The following RALYL variants were observed in gnomAD, a reference collection of about 807,000 sequenced individuals.
RALYL encodes RNA-binding Raly-like protein.
A neutral mutation model predicts 35.1 loss-of-function variants in RALYL; 29 were observed. The ratio of observed to expected loss-of-function variants is 0.83; its 90% CI spans 0.61 to 1.13. The LOEUF is 1.13. RALYL is among the 50% of genes most tolerant of loss of function. The probability of loss-of-function intolerance (pLI) is 0.00; values close to 1 mark genes in which losing one functional copy is unlikely to be tolerated. For synonymous variants in RALYL, 120 were observed against 127.6 expected (o/e 0.94, Z 0.40); for missense variants, 359 against 360.4 (o/e 1.00, Z 0.03).
intron 4 of RALYL, among the ~76,000 whole-genome samples, chr8:84,827,083 T>G (rs1180281346): frequency 6.6e-6 from 1 of 152,076 alleles, no homozygotes; most frequent in Non-Finnish European, 1.5e-5. Flanking sequence ...AAAAACCTTA[T>G]AGCAGAAATG....
At chr8:84,744,093 T>C (rs1034415046) in intron 2 of RALYL, among the ~76,000 whole-genome samples, 2 of 152,152 alleles carry the variant, frequency 1.3e-5, no homozygotes, top group African/African-American at 2.4e-5. Flanking sequence ...GTAGCAACTT[T>C]TGTGTTATGT....
At chr8:84,771,143 G>A (rs1815387237) in intron 2 of RALYL, among the ~76,000 whole-genome samples, 1 of 151,508 alleles carries the variant, frequency 6.6e-6, no homozygotes, top group Non-Finnish European at 1.5e-5. Flanking sequence ...ATTTTTCCAG[G>A]GCATTATTTT....
chr8:84,254,800 C>G (rs1285693781), intron 1 of RALYL, among the ~76,000 whole-genome samples: 8 of 147,832 alleles, frequency 5.4e-5, no homozygotes, highest in Non-Finnish European at 1.5e-5. Flanking sequence ...GCTGGGGAAG[C>G]TTCAGGAAAC....
chr8:84,525,354 T>C (rs920135392), intron 1 of RALYL, among the ~76,000 whole-genome samples: 2 of 152,204 alleles, frequency 1.3e-5, no homozygotes, highest in Non-Finnish European at 1.5e-5. Context: ...TTGACTGTTA[T>C]ACACCATTTT....
In RALYL at chr8:84,677,387, G is replaced by C. The variant is rs545153264; in HGVS notation, c.257-97192G>C. Among the ~76,000 whole-genome samples, 4 of 152,118 alleles carry C rather than the reference G, an allele frequency of 2.6e-5. No individual in the cohort carries two copies. The East Asian group carries it at 7.7e-4, about 29-fold the overall frequency. ...GGAAATAATATAAACAGTTAAACCT[G>C]GTCATTGTACTACTTATAACCTTAA... On this transcript the variant is annotated intron_variant, in intron 2 of 8. Coordinates refer to ENST00000521268, the MANE Select transcript of RALYL (RefSeq NM_173848.7).
chr8:84,919,725 C>T (rs1849029305), intron 8 of RALYL, among the ~76,000 whole-genome samples: 1 of 151,900 alleles, frequency 6.6e-6, no homozygotes, highest in Non-Finnish European at 1.5e-5. Context: ...AGCTTCTTTC[C>T]TAGGGATATA....
At chr8:84,303,630 T>C (rs1841230003) in intron 1 of RALYL, among the ~76,000 whole-genome samples, 1 of 152,330 alleles carries the variant, frequency 6.6e-6, no homozygotes, top group Non-Finnish European at 1.5e-5. Flanking sequence ...ATGTGTGACC[T>C]GAAAGGAAAG....
chr8:84,919,194 A>G (rs1848936256), intron 8 of RALYL, among the ~76,000 whole-genome samples: 3 of 152,096 alleles, frequency 2.0e-5, no homozygotes. Context: ...ATAATAAGAA[A>G]GTGATCAATG....
chr8:84,486,412 T>A (rs894001849), intron 1 of RALYL, among the ~76,000 whole-genome samples: 13 of 151,722 alleles, frequency 8.6e-5, no homozygotes, highest in Non-Finnish European at 1.6e-4. Flanking sequence ...TATTTGGTTA[T>A]AATCATAAAT....
chr8:84,635,033 A>G (rs1391695636), intron 2 of RALYL, among the ~76,000 whole-genome samples: 2 of 151,808 alleles, frequency 1.3e-5, no homozygotes, highest in Non-Finnish European at 2.9e-5. Flanking sequence ...AAAAAAAGGT[A>G]TTCAAGATAG....
At chr8:84,617,401 G>C (rs1407329869) in intron 2 of RALYL, among the ~76,000 whole-genome samples, 2 of 148,532 alleles carry the variant, frequency 1.3e-5, no homozygotes, top group South Asian at 2.1e-4. Context: ...TTTGTCTGTT[G>C]TTGGTGTATA....
intron 2 of RALYL, among the ~76,000 whole-genome samples, chr8:84,621,366 C>T (rs1027989107): frequency 2.0e-5 from 3 of 152,160 alleles, no homozygotes; most frequent in African/African-American, 7.2e-5. Context: ...TTTCCAGGTG[C>T]CGGCTGTCCC....
chr8:84,745,077 A>G (rs1011127161), intron 2 of RALYL, among the ~76,000 whole-genome samples: 5 of 151,804 alleles, frequency 3.3e-5, no homozygotes, highest in Admixed American at 1.3e-4. Context: ...ACACACACAC[A>G]CACACACAGA....
intron 2 of RALYL, among the ~76,000 whole-genome samples, chr8:84,763,893 A>G (rs1399308513): frequency 6.6e-6 from 1 of 152,194 alleles, no homozygotes; most frequent in African/African-American, 2.4e-5. Context: ...TAGACTAGAC[A>G]TAGATGAAGC....
At chr8:84,722,694 TGTATG>T (rs1278632409) in intron 2 of RALYL, among the ~76,000 whole-genome samples, 1 of 145,838 alleles carries the variant, frequency 6.9e-6, no homozygotes, top group Middle Eastern at 3.6e-3. Flanking sequence ...CAATGTATAT[TGTATG>T]GTATGTTTTG....
intron 1 of RALYL, among the ~76,000 whole-genome samples, chr8:84,188,002 T>G (rs1303413771): frequency 6.6e-6 from 1 of 152,130 alleles, no homozygotes; most frequent in African/African-American, 2.4e-5. Flanking sequence ...TATGTAAGAT[T>G]GTTTGAATAG....
Position 84,332,273 on chromosome 8 carries a change from T to C in RALYL, c.-24+147849T>C, listed in dbSNP as rs961407620. Among the ~76,000 whole-genome samples the C allele has an allele frequency of 2.0e-5, 3 of 152,156 alleles. No individual in the cohort carries two copies. In the East Asian group the frequency reaches 5.8e-4, roughly 29 times the overall value. On this transcript the variant is annotated intron_variant, in intron 1 of 8. Transcript: ENST00000521268. Reference sequence around the variant, plus strand: ...GGTCTGATTGCCTCTCACATTACCTTTCTTTGTTTTGGAGGTATCCAGAGC... The same window carrying C: ...GGTCTGATTGCCTCTCACATTACCTCTCTTTGTTTTGGAGGTATCCAGAGC...
intron 3 of RALYL, among the ~76,000 whole-genome samples, chr8:84,781,983 C>T (rs1216313414): frequency 6.6e-6 from 1 of 151,860 alleles, no homozygotes; most frequent in East Asian, 1.9e-4. Context: ...ATAGCAGGTA[C>T]CACCTTGAGT....
chr8:84,573,208 C>T (rs946771345), intron 2 of RALYL, among the ~76,000 whole-genome samples: 1 of 150,224 alleles, frequency 6.7e-6, no homozygotes, highest in African/African-American at 2.4e-5. Context: ...TTTTGTATTC[C>T]TTTATGTAAA....
Sources: allele counts gnomAD v4.1 joint callset (sites outside exome capture counted in the v4.1 genomes callset), GRCh38; gene constraint gnomAD v4.1.1; transcripts MANE v1.5; gene names NCBI Gene and HGNC (gene_info 2026-07-23, HGNC 2026-07-21).